Variants in ADAT2 observed in about 807,000 individuals in gnomAD.
The protein encoded by ADAT2 is tRNA-specific adenosine-34 deaminase catalytic subunit ADAT2.
ADAT2 carries 26 observed loss-of-function variants against 25.9 expected under a neutral mutation model. That is an observed-to-expected ratio of 1.00 (90% CI 0.74 to 1.39). ADAT2 has a LOEUF of 1.39. Ranked by LOEUF, ADAT2 falls within the 40% of genes most tolerant of loss-of-function variation. The pLI, the probability that ADAT2 is intolerant of heterozygous loss-of-function variation, is 0.00. For missense variants in ADAT2, 220 were observed against 244.8 expected, an observed-to-expected ratio of 0.90 and a Z score of 0.68; for synonymous variants, 76 against 86.8, an observed-to-expected ratio of 0.88 and a Z score of 0.69.
At chr6:143,433,283 A>AT (rs1562638208) in intron 3 of ADAT2, among the ~76,000 whole-genome samples, 1 of 152,336 alleles carries the variant, frequency 6.6e-6, no homozygotes, top group Middle Eastern at 3.4e-3. Context: ...TCTCTGCACT[A>AT]TTTAAGTTGC....
intron 4 of ADAT2, among the ~76,000 whole-genome samples, chr6:143,431,415 C>A (rs1245963491): frequency 6.6e-6 from 1 of 152,176 alleles, no homozygotes; most frequent in Non-Finnish European, 1.5e-5. Flanking sequence ...ATGGAGTCAG[C>A]AATTCATTTG....
rs6929191 is a variant in ADAT2, at chr6:143,444,641, A to G, written c.96+5922T>C. 86,099 of 157,758 alleles carry G rather than the reference A, an allele frequency of 0.55. 24,191 individuals are homozygous for G. Among genetic ancestry groups the G allele is most frequent in the African/African-American group, 0.63 (26,250 of 41,548 alleles). 9.8% of individuals were successfully genotyped at this position (157,758 alleles called of 1,614,324 possible). On this transcript the variant is annotated intron_variant, in intron 1 of 5. Coordinates refer to ENST00000237283, the MANE Select transcript of ADAT2 (RefSeq NM_182503.3). The surrounding 1 kb of genome is among the most constrained non-coding windows in gnomAD (Gnocchi z 4.3). Reference sequence around the variant, plus strand: ...GCCTTTTTTAGGGGGAAAGACCAAGATCAGATACTATTTAAAAATGGCTAC... The same window carrying G: ...GCCTTTTTTAGGGGGAAAGACCAAGGTCAGATACTATTTAAAAATGGCTAC...
Position 143,428,771 on chromosome 6 carries a change from A to G in ADAT2, c.460-87T>C. On this transcript the variant is annotated intron_variant, in intron 4 of 5. Coordinates refer to ENST00000237283, the MANE Select transcript of ADAT2 (RefSeq NM_182503.3). This position sits in a 1 kb window ranked among gnomAD's most constrained non-coding sequence, Gnocchi z 5.0. ...AAAAACAACATATATATACATGATTATGTAAACAGATTTCAGATGTTAATA... is the reference window on the plus strand; with the variant it reads ...AAAAACAACATATATATACATGATTGTGTAAACAGATTTCAGATGTTAATA... 8.2e-7 allele frequency: 1 copy of G among 1,219,170 alleles called. No homozygotes were observed. Among genetic ancestry groups the G allele is most frequent in the Non-Finnish European group, 1.2e-6 (1 of 859,286 alleles). The allele number at this position is 1,219,170 out of a possible 1,614,324, so 75.5% of individuals were successfully genotyped here.
intron 4 of ADAT2, among the ~76,000 whole-genome samples, chr6:143,429,371 TA>T (rs1199558664): frequency 3.3e-5 from 5 of 152,172 alleles, no homozygotes; most frequent in Non-Finnish European, 7.4e-5. Context: ...AAAAATAAAA[TA>T]CAGCTTGTTC....
At chr6:143,429,991 C>A (rs1562636155) in intron 4 of ADAT2, among the ~76,000 whole-genome samples, 1 of 152,198 alleles carries the variant, frequency 6.6e-6, no homozygotes, top group Admixed American at 6.5e-5. Flanking sequence ...CCCAGCACTT[C>A]ACTGAGTCTG....
At chr6:143,430,525 T>C (rs9321909) in intron 4 of ADAT2, among the ~76,000 whole-genome samples, 42,562 of 151,964 alleles carry the variant, frequency 0.28, 6,209 homozygotes, top group Admixed American at 0.32. Context: ...GTATCCATTA[T>C]AGCAACAAAT....
At chr6:143,430,123 T>C (rs1420910135) in intron 4 of ADAT2, among the ~76,000 whole-genome samples, 2 of 152,202 alleles carry the variant, frequency 1.3e-5, no homozygotes, top group African/African-American at 2.4e-5. Context: ...TTGCCTCCCT[T>C]GGCTTCTCAG....
chr6:143,449,071 G>A (rs888390335), intron 1 of ADAT2, among the ~76,000 whole-genome samples: 1 of 149,558 alleles, frequency 6.7e-6, no homozygotes, highest in African/African-American at 2.5e-5. Flanking sequence ...TTTTGAGACA[G>A]GGTCTGGCTC....
chr6:143,427,366 G>T lies in ADAT2; in HGVS notation c.*1097C>A, dbSNP rs1367683718. The T allele has an allele frequency of 6.6e-6, 1 of 152,514 alleles. No individual in the cohort carries two copies. Among genetic ancestry groups the T allele is most frequent in the Non-Finnish European group, 1.5e-5 (1 of 68,074 alleles). The allele number at this position is 152,514 out of a possible 1,614,324, so 9.4% of individuals were successfully genotyped here. ...GGAGCAGCAGCCCCTCCAGGGCCTGGAGCTGAGCTTCTGGTGGAACGGCGA... is the reference window on the plus strand; with the variant it reads ...GGAGCAGCAGCCCCTCCAGGGCCTGTAGCTGAGCTTCTGGTGGAACGGCGA... On this transcript the variant is annotated 3_prime_UTR_variant, in exon 6 of 6. Coordinates refer to ENST00000237283, the MANE Select transcript of ADAT2 (RefSeq NM_182503.3).
chr6:143,433,772 G>A, intron 3 of ADAT2, 59 bp downstream of exon 3: 2 of 1,499,010 alleles, frequency 1.3e-6, no homozygotes, highest in South Asian at 1.4e-5. Flanking sequence ...CTACGTGTTT[G>A]GCCACTCTCT....
chr6:143,447,098 T>C (rs1779621851), intron 1 of ADAT2, among the ~76,000 whole-genome samples: 2 of 152,242 alleles, frequency 1.3e-5, no homozygotes, highest in Admixed American at 1.3e-4. Context: ...CCTTATATGC[T>C]ATCCAACAGA....
At position 143,436,542 on chromosome 6, in the gene ADAT2, G is replaced by A. The variant is rs1779288382; in HGVS notation, c.201+2048C>T. 2.5e-6 allele frequency: 1 copy of A among 402,500 alleles called. No individual in the cohort carries two copies. The allele number at this position is 402,500 out of a possible 1,614,324, so 24.9% of individuals were successfully genotyped here. On this transcript the variant is annotated intron_variant, in intron 2 of 5. Transcript: ENST00000237283. The surrounding 1 kb of genome is among the most constrained non-coding windows in gnomAD (Gnocchi z 4.1). ...CAGAGCAGTTCACAGCCATGTTCAGGTGCAAGGCCTTCCTGCACTGGTACA... is the reference window on the plus strand; with the variant it reads ...CAGAGCAGTTCACAGCCATGTTCAGATGCAAGGCCTTCCTGCACTGGTACA...
At chr6:143,429,086 C>T (rs1327569840) in intron 4 of ADAT2, among the ~76,000 whole-genome samples, 3 of 152,168 alleles carry the variant, frequency 2.0e-5, no homozygotes, top group African/African-American at 4.8e-5. Flanking sequence ...CATAAGTGCT[C>T]ATTAAGCATT....
At chr6:143,441,472 C>T (rs1212055887) in intron 1 of ADAT2, 1 of 152,400 alleles carries the variant, frequency 6.6e-6, no homozygotes, top group Non-Finnish European at 1.5e-5. Context: ...ATGGTATCAG[C>T]ATCTGCTTCC....
chr6:143,428,952 T>A lies in ADAT2; in HGVS notation c.460-268A>T, dbSNP rs948089362. 2.0e-5 allele frequency among the ~76,000 whole-genome samples: 3 copies of A among 152,250 alleles called. No individual in the cohort carries two copies. Among genetic ancestry groups the A allele is most frequent in the Non-Finnish European group, 4.4e-5 (3 of 68,044 alleles). ...ACTATTATAGAAGTTACCAGCTTTG[T>A]GATCTTGGGTTAGGCACTTAAACTC... On this transcript the variant is annotated intron_variant, in intron 4 of 5. Coordinates refer to ENST00000237283, the MANE Select transcript of ADAT2 (RefSeq NM_182503.3). The surrounding 1 kb of genome is among the most constrained non-coding windows in gnomAD (Gnocchi z 5.0).
chr6:143,439,346 C>CAAAAAAAAAAAAAA (rs35250658), intron 1 of ADAT2, among the ~76,000 whole-genome samples: 7 of 111,534 alleles, frequency 6.3e-5, no homozygotes, highest in Non-Finnish European at 9.3e-5. Flanking sequence ...TATGTGTCTA[C>CAAAAAAAAAAAAAA]AAAAAAAAAA....
intron 1 of ADAT2, 95 bp downstream of exon 1, chr6:143,450,468 T>G: frequency 4.5e-6 from 6 of 1,338,764 alleles, no homozygotes; most frequent in Non-Finnish European, 6.3e-6. Context: ...ATAAAAATTA[T>G]GGTGACGAGA....
At chr6:143,448,220 G>T (rs1198780188) in intron 1 of ADAT2, among the ~76,000 whole-genome samples, 3 of 152,040 alleles carry the variant, frequency 2.0e-5, no homozygotes, top group Middle Eastern at 3.2e-3. Context: ...TTGGACACAG[G>T]GTGGGGAACA....
intron 1 of ADAT2, among the ~76,000 whole-genome samples, chr6:143,447,696 G>A (rs62429071): frequency 1.3e-5 from 2 of 151,888 alleles, no homozygotes; most frequent in Admixed American, 6.6e-5. Flanking sequence ...AAAAAAAAGG[G>A]CATTACTGGA....
Sources: allele counts gnomAD v4.1 joint callset (sites outside exome capture counted in the v4.1 genomes callset), GRCh38; gene constraint gnomAD v4.1.1; non-coding constraint Gnocchi (gnomAD v3.1); transcripts MANE v1.5; gene names NCBI Gene and HGNC (gene_info 2026-07-23, HGNC 2026-07-21).